Variants in RP1 observed in about 807,000 individuals in gnomAD.
The protein encoded by RP1 is oxygen-regulated protein 1.
In RP1, 16 loss-of-function variants were observed where a neutral mutation model predicts 14.8. That is an observed-to-expected ratio of 1.08 (90% confidence interval 0.73 to 1.65). RP1 has a LOEUF of 1.65. RP1 is among the 40% of genes most tolerant of loss of function. The probability of loss-of-function intolerance (pLI) is 0.00; values close to 1 mark genes in which losing one functional copy is unlikely to be tolerated. For missense variants in RP1, 2,631 were observed against 2,535.0 expected (o/e 1.04, Z -0.81); for synonymous variants, 876 against 883.6 (o/e 0.99, Z 0.15).
chr8:54,736,766 G>A (rs1031041291), intron 18 of RP1, among the ~76,000 whole-genome samples: 7 of 152,154 alleles, frequency 4.6e-5, no homozygotes, highest in Admixed American at 4.6e-4. Context: ...CTGGGATCTT[G>A]TTAAACACAC....
intron 12 of RP1, among the ~76,000 whole-genome samples, chr8:54,682,095 TCTA>T (rs1227092247): frequency 1.3e-5 from 2 of 152,114 alleles, no homozygotes; most frequent in Non-Finnish European, 2.9e-5. Context: ...TGTTTCTGCT[TCTA>T]GATCTTTGAG....
chr8:54,697,435 A>T (rs1807895792), intron 12 of RP1, among the ~76,000 whole-genome samples: 1 of 152,086 alleles, frequency 6.6e-6, no homozygotes. Flanking sequence ...CATGCCTGTG[A>T]TCCCAACTAC....
chr8:54,869,972 AT>A, exon 29 of RP1: 3 of 1,012,254 alleles, frequency 3.0e-6, no homozygotes, highest in Non-Finnish European at 3.8e-6. Flanking sequence ...TCGCTCCAAT[AT>A]GCTTCAAAAG....
chr8:54,649,091 A>G (rs1203148197), exon 4 of RP1: 9 of 1,530,412 alleles, frequency 5.9e-6, no homozygotes, highest in African/African-American at 1.4e-5. Context: ...CAGCCCCCAT[A>G]TATCTTTATG....
At chr8:54,740,403 T>TAAAAAAAAAAAAA (rs34753388) in intron 19 of RP1, among the ~76,000 whole-genome samples, 17 of 80,234 alleles carry the variant, frequency 2.1e-4, no homozygotes, top group African/African-American at 7.8e-4. Flanking sequence ...GCTTAAAAAG[T>TAAAAAAAAAAAAA]AAAAAAAAAA....
In RP1 at chr8:54,626,916, CTGAA is replaced by C. The variant is rs1461691689; in HGVS notation, c.3038_3041del (p.Asn1013MetfsTer27). On this transcript the variant is annotated frameshift_variant, in exon 4 of 4. Coordinates refer to ENST00000220676, the MANE Select transcript of RP1 (RefSeq NM_006269.2). LOFTEE classifies it low-confidence loss of function (END_TRUNC). ...TCTCCATGAGACACAGGTTGGATCT[CTGAA>C]TGATGCTTATTTGGTTCCCCTGCAT... is the stretch of plus-strand genomic sequence containing the variant. 2 of 1,613,758 alleles carry C rather than the reference CTGAA, an allele frequency of 1.2e-6. No individual in the cohort carries two copies. The highest frequency in any genetic ancestry group is 2.7e-5 in the African/African-American group (2 of 74,912).
intron 16 of RP1, among the ~76,000 whole-genome samples, chr8:54,725,643 C>T (rs1394489000): frequency 6.6e-6 from 1 of 152,094 alleles, no homozygotes. Context: ...CTTATAGAAT[C>T]AGAAATTTAC....
intron 1 of RP1, among the ~76,000 whole-genome samples, chr8:54,592,770 C>G (rs1384035712): frequency 2.6e-5 from 4 of 152,104 alleles, no homozygotes; most frequent in African/African-American, 9.7e-5. Context: ...AGTGTATTAA[C>G]TTGTAATTTT....
chr8:54,683,118 G>A (rs1028655779), intron 12 of RP1, among the ~76,000 whole-genome samples: 6 of 152,106 alleles, frequency 3.9e-5, no homozygotes, highest in African/African-American at 1.2e-4. Flanking sequence ...TAGATATGTG[G>A]CATTATTTCT....
chr8:54,647,805 C>T (rs764802049), intron 3 of RP1, among the ~76,000 whole-genome samples: 1 of 152,132 alleles, frequency 6.6e-6, no homozygotes, highest in East Asian at 1.9e-4. Context: ...ATTCTTCCAC[C>T]TCAGCCTTCC....
chr8:54,656,155 G>A (rs1806750785), exon 6 of RP1: 14 of 1,535,772 alleles, frequency 9.1e-6, no homozygotes, highest in Non-Finnish European at 1.0e-5. Context: ...ACGAGATCAA[G>A]AGGATGGGGA....
intron 15 of RP1, among the ~76,000 whole-genome samples, chr8:54,713,930 T>C (rs1436238130): frequency 6.6e-6 from 1 of 152,242 alleles, no homozygotes; most frequent in Non-Finnish European, 1.5e-5. Context: ...GGGAAAAATC[T>C]GACGTAGGAA....
Position 54,627,105 on chromosome 8 carries a change from G to T in RP1, c.3223G>T (p.Glu1075Ter). ...GGCTGCCATTCAAGTAGATCCTATAGAAGAGGAAACTCCAAAAGACCTCTT... is the reference window on the plus strand; with the variant it reads ...GGCTGCCATTCAAGTAGATCCTATATAAGAGGAAACTCCAAAAGACCTCTT... ...VEAAIQVDPI[E>*]EETPKDLLPV... is the part of the protein sequence containing the mutation. Residue 1075 changes from glutamate to a stop codon, truncating the protein, a stop_gained, in exon 4 of 4, where the codon GAA becomes TAA. Transcript: ENST00000220676. LOFTEE classifies it low-confidence loss of function (END_TRUNC). The T allele has an allele frequency of 1.9e-6, 3 of 1,614,090 alleles. No individual in the cohort carries two copies. Among genetic ancestry groups the T allele is most frequent in the Non-Finnish European group, 1.7e-6 (2 of 1,179,980 alleles).
At chr8:54,677,481 T>A (rs1033457433) in intron 8 of RP1, among the ~76,000 whole-genome samples, 2 of 152,158 alleles carry the variant, frequency 1.3e-5, no homozygotes, top group African/African-American at 4.8e-5. Flanking sequence ...AATTCCAGCA[T>A]GTTGCGAGGC....
chr8:54,810,488 C>T (rs1810964748), intron 24 of RP1, among the ~76,000 whole-genome samples: 1 of 152,154 alleles, frequency 6.6e-6, no homozygotes, highest in South Asian at 2.1e-4. Flanking sequence ...TTGAGATCCC[C>T]TTCATAGGCG....
upstream of RP1, among the ~76,000 whole-genome samples, chr8:54,612,827 A>T (rs116008058): frequency 6.6e-6 from 1 of 152,314 alleles, no homozygotes; most frequent in African/African-American, 2.4e-5. Context: ...TCTGCCAGGA[A>T]CACACTTCTG....
chr8:54,816,597 G>A lies in RP1; in HGVS notation c.3616-20853G>A, dbSNP rs16920803. Among the ~76,000 whole-genome samples, 536 of 152,176 alleles carry A rather than the reference G, an allele frequency of 3.5e-3. 1 individual carries two copies. The highest frequency in any genetic ancestry group is 9.7e-3 in the African/African-American group (404 of 41,506). ...TCTCCTTGCCTTCATTTCCAACATC[G>A]CCATCAGGGTCACCACCTTCTCTTG... On this transcript the variant is annotated intron_variant, in intron 24 of 28. Coordinates refer to the RP1 transcript ENST00000637698.
intron 24 of RP1, among the ~76,000 whole-genome samples, chr8:54,804,648 A>G (rs990628689): frequency 6.6e-6 from 1 of 152,248 alleles, no homozygotes; most frequent in South Asian, 2.1e-4. Context: ...ACCAAAAAGT[A>G]TAAGATGGGA....
intron 1 of RP1, among the ~76,000 whole-genome samples, chr8:54,570,837 T>C (rs1804503978): frequency 6.6e-6 from 1 of 152,140 alleles, no homozygotes; most frequent in Admixed American, 6.5e-5. Context: ...AAGACAGCCA[T>C]CAGGCCCAAG....
Sources: gnomAD v4.1 joint callset for allele counts (sites outside exome capture counted in the v4.1 genomes callset) on GRCh38, gnomAD v4.1.1 for gene constraint, MANE v1.5 for transcripts, NCBI Gene and HGNC (gene_info 2026-07-23, HGNC 2026-07-21) for gene names.